RBFOX1: variants seen among roughly 807,000 people sequenced by gnomAD.
RBFOX1 encodes the protein RNA binding fox-1 homolog 1, also known as RNA binding protein fox-1 homolog 1.
A neutral mutation model predicts 57.7 loss-of-function variants in RBFOX1; 8 were observed. That is an observed-to-expected ratio of 0.14 (90% CI 0.08 to 0.25). The LOEUF (loss-of-function observed/expected upper bound fraction) is 0.25. Among genes scored for constraint, RBFOX1 ranks in the 10% least tolerant of loss-of-function variants. RBFOX1 has a pLI of 1.00. For missense variants in RBFOX1, 611 were observed against 548.5 expected (o/e 1.11, Z -1.14); for synonymous variants, 326 against 222.4 (o/e 1.47, Z -4.15).
intron 1 of RBFOX1, among the ~76,000 whole-genome samples, chr16:5,451,933 G>A (rs941096374): frequency 2.6e-5 from 4 of 152,044 alleles, no homozygotes; most frequent in Non-Finnish European, 5.9e-5. Flanking sequence ...AGCTCCAGCT[G>A]TATGGCTGTC....
At position 7,684,505 on chromosome 16, in the gene RBFOX1, C is replaced by G. The variant is rs572807782; in HGVS notation, c.995+7667C>G. Among the ~76,000 whole-genome samples the G allele has an allele frequency of 4.6e-5, 7 of 151,918 alleles. No homozygotes were observed. The South Asian group carries it at 1.5e-3, about 32-fold the overall frequency. On this transcript the variant is annotated intron_variant, in intron 14 of 15. Coordinates refer to ENST00000550418, the MANE Select transcript of RBFOX1 (RefSeq NM_018723.4). ...TGAAACATAATCAAAGCCAAATATT[C>G]TCGTAATTATCCCAATCATTTAGAT...
At chr16:5,594,174 A>T (rs577513908) in intron 2 of RBFOX1, among the ~76,000 whole-genome samples, 1 of 152,274 alleles carries the variant, frequency 6.6e-6, no homozygotes, top group East Asian at 1.9e-4. Context: ...TTGATTGGCC[A>T]TGGTCTTGGC....
At chr16:6,402,873 G>A (rs1043212706) in intron 2 of RBFOX1, among the ~76,000 whole-genome samples, 2 of 152,214 alleles carry the variant, frequency 1.3e-5, no homozygotes, top group African/African-American at 4.8e-5. Context: ...TAACCGAGAT[G>A]TAATTGTGAT....
intron 1 of RBFOX1, among the ~76,000 whole-genome samples, chr16:6,170,709 A>G (rs2096953912): frequency 1.3e-5 from 2 of 152,046 alleles, no homozygotes; most frequent in African/African-American, 4.8e-5. Flanking sequence ...TAAGCTTAGT[A>G]CCCAATAGCT....
rs550743034 is a variant in RBFOX1, at chr16:5,819,031, C to T, written c.319-48272C>T. Among the ~76,000 whole-genome samples the T allele has an allele frequency of 6.6e-5, 10 of 152,312 alleles. No individual in the cohort carries two copies. In the East Asian group the frequency reaches 1.9e-3, roughly 29 times the overall value. ...CTGCTCCATTTCCCCCTCCTTGTCT[C>T]TGCTTTCTCTCCATCCACAGGTCTG... On this transcript the variant is annotated intron_variant, in intron 3 of 19. Coordinates refer to the RBFOX1 transcript ENST00000641259.
intron 4 of RBFOX1, among the ~76,000 whole-genome samples, chr16:7,348,480 C>A (rs542251009): frequency 1.3e-5 from 2 of 151,998 alleles, no homozygotes; most frequent in East Asian, 1.9e-4. Flanking sequence ...ATTCCGTGTC[C>A]TTTCCACATG....
intron 2 of RBFOX1, among the ~76,000 whole-genome samples, chr16:5,480,550 C>G (rs1000123426): frequency 6.6e-6 from 1 of 152,124 alleles, no homozygotes; most frequent in African/African-American, 2.4e-5. Flanking sequence ...TGCACAATGC[C>G]CTGTTCGCCC....
intron 4 of RBFOX1, among the ~76,000 whole-genome samples, chr16:7,423,338 G>T (rs2098563199): frequency 6.6e-6 from 1 of 151,904 alleles, no homozygotes; most frequent in African/African-American, 2.4e-5. Flanking sequence ...AGTGCATCTT[G>T]CAAAAATATA....
At chr16:5,406,397 T>C (rs1040664915) in intron 1 of RBFOX1, among the ~76,000 whole-genome samples, 5 of 152,174 alleles carry the variant, frequency 3.3e-5, no homozygotes, top group African/African-American at 7.2e-5. Context: ...GTCAATCTTC[T>C]TATGCCTTCA....
At chr16:7,065,626 G>A (rs1350038005) in intron 4 of RBFOX1, among the ~76,000 whole-genome samples, 2 of 152,124 alleles carry the variant, frequency 1.3e-5, no homozygotes, top group African/African-American at 2.4e-5. Context: ...AGCATTGCAT[G>A]ACCTCACATA....
chr16:6,677,949 C>G (rs1344555279), intron 3 of RBFOX1, among the ~76,000 whole-genome samples: 1 of 152,120 alleles, frequency 6.6e-6, no homozygotes, highest in Non-Finnish European at 1.5e-5. Flanking sequence ...AACATCTAAC[C>G]TAGTACCGCC....
intron 3 of RBFOX1, among the ~76,000 whole-genome samples, chr16:6,844,528 G>T (rs1327551947): frequency 6.6e-6 from 1 of 152,022 alleles, no homozygotes; most frequent in East Asian, 1.9e-4. Flanking sequence ...CTTTTTTATG[G>T]CTGCATAGTA....
chr16:5,298,948 A>G (rs1416582415), intron 1 of RBFOX1, among the ~76,000 whole-genome samples: 1 of 124,420 alleles, frequency 8.0e-6, no homozygotes, highest in Non-Finnish European at 1.7e-5. Flanking sequence ...TAAAGAATAT[A>G]TACATTAAAA....
At chr16:7,427,412 T>C (rs1042342803) in intron 4 of RBFOX1, among the ~76,000 whole-genome samples, 3 of 152,138 alleles carry the variant, frequency 2.0e-5, no homozygotes, top group Non-Finnish European at 4.4e-5. Context: ...CTGCTGAAGT[T>C]GGACAGGCTT....
intron 3 of RBFOX1, among the ~76,000 whole-genome samples, chr16:5,827,645 G>T (rs970647326): frequency 2.0e-5 from 3 of 152,154 alleles, no homozygotes; most frequent in Non-Finnish European, 1.5e-5. Context: ...GGTGTGCAAA[G>T]AAATGGCTGC....
chr16:7,096,810 T>TA (rs2061768706), intron 4 of RBFOX1, among the ~76,000 whole-genome samples: 1 of 151,228 alleles, frequency 6.6e-6, no homozygotes, highest in Non-Finnish European at 1.5e-5. Flanking sequence ...CTCTCCCCTG[T>TA]AATCCCAGCT....
At chr16:6,477,175 A>T (rs576858264) in intron 2 of RBFOX1, among the ~76,000 whole-genome samples, 1 of 152,284 alleles carries the variant, frequency 6.6e-6, no homozygotes, top group African/African-American at 2.4e-5. Flanking sequence ...TAATGTTGCT[A>T]TTTTGACCTC....
chr16:7,461,661 A>G (rs1290441622), intron 4 of RBFOX1, among the ~76,000 whole-genome samples: 1 of 152,114 alleles, frequency 6.6e-6, no homozygotes, highest in East Asian at 1.9e-4. Flanking sequence ...ATTCATAACA[A>G]CCCCATTCAC....
At chr16:6,251,571 C>G (rs1006494594) in intron 1 of RBFOX1, among the ~76,000 whole-genome samples, 1 of 151,944 alleles carries the variant, frequency 6.6e-6, no homozygotes, top group South Asian at 2.1e-4. Flanking sequence ...AAAGCCTCCC[C>G]CTACCCCTTG....
Sources: gnomAD v4.1 joint callset for allele counts (sites outside exome capture counted in the v4.1 genomes callset) on GRCh38, gnomAD v4.1.1 for gene constraint, MANE v1.5 for transcripts, NCBI Gene and HGNC (gene_info 2026-07-23, HGNC 2026-07-21) for gene names.